TENM3: variants seen among roughly 807,000 people sequenced by gnomAD.
TENM3 encodes teneurin-3.
Under a neutral mutation model 255.1 loss-of-function variants are expected in TENM3, and 63 were observed. The observed-to-expected ratio is 0.25, with a 90% CI of 0.20 to 0.30. The LOEUF (loss-of-function observed/expected upper bound fraction) is 0.30, where lower values mean the gene tolerates loss of function less well. TENM3 is among the 10% of genes least tolerant of loss of function. TENM3 has a pLI of 1.00. For missense variants in TENM3, 2,929 were observed against 3,461.1 expected (o/e 0.85, Z 3.86); for synonymous variants, 1,306 against 1,322.3 (o/e 0.99, Z 0.27).
chr4:182,183,687 C>T (rs1752974624), intron 1 of TENM3, among the ~76,000 whole-genome samples: 1 of 152,062 alleles, frequency 6.6e-6, no homozygotes, highest in African/African-American at 2.4e-5. Flanking sequence ...TGCACATTTA[C>T]AGAACTGTCC....
At chr4:181,807,642 C>T in the TENM3 span, among the ~76,000 whole-genome samples, 19 of 152,256 alleles carry the variant, frequency 1.2e-4, no homozygotes, top group East Asian at 2.5e-3. Context: ...TGTGAGCCAC[C>T]GCACCTGGCC....
chr4:182,419,527 C>A (rs1770648671), intron 3 of TENM3, among the ~76,000 whole-genome samples: 1 of 152,080 alleles, frequency 6.6e-6, no homozygotes, highest in Non-Finnish European at 1.5e-5. Flanking sequence ...TGGGCATATA[C>A]CCAAAGGACT....
At chr4:181,740,327 T>G in the TENM3 span, among the ~76,000 whole-genome samples, 31 of 152,314 alleles carry the variant, frequency 2.0e-4, no homozygotes, top group South Asian at 5.8e-3. Context: ...CAGTTTTGAT[T>G]ATTTTTTAGA....
intron 13 of TENM3, among the ~76,000 whole-genome samples, chr4:182,723,998 G>A (rs1265458015): frequency 6.6e-6 from 1 of 152,168 alleles, no homozygotes; most frequent in Non-Finnish European, 1.5e-5. Context: ...GGACAGAAAA[G>A]CTAACGAGAG....
the TENM3 span, among the ~76,000 whole-genome samples, chr4:182,009,507 C>T: frequency 6.6e-6 from 1 of 152,178 alleles, no homozygotes; most frequent in Non-Finnish European, 1.5e-5. Flanking sequence ...ACTCTGGCCA[C>T]AGACTGCCAC....
chr4:182,714,730 G>A (rs76580389), intron 13 of TENM3, among the ~76,000 whole-genome samples: 9,109 of 152,284 alleles, frequency 0.06, 347 homozygotes, highest in Middle Eastern at 0.14. Flanking sequence ...TAAAAAGATG[G>A]TGAGATTCCA....
At chr4:181,922,713 G>A in the TENM3 span, among the ~76,000 whole-genome samples, 1,029 of 147,898 alleles carry the variant, frequency 7.0e-3, 5 homozygotes, top group African/African-American at 0.024. Flanking sequence ...TTTTTGAAGG[G>A]TTTTTTGTGT....
At chr4:182,665,481 T>C (rs1754591910) in intron 6 of TENM3, among the ~76,000 whole-genome samples, 1 of 152,038 alleles carries the variant, frequency 6.6e-6, no homozygotes, top group African/African-American at 2.4e-5. Flanking sequence ...GATCAAGGAG[T>C]AATTTCAAGT....
intron 12 of TENM3, among the ~76,000 whole-genome samples, chr4:182,696,453 A>G (rs1393341217): frequency 6.6e-6 from 1 of 152,192 alleles, no homozygotes; most frequent in Non-Finnish European, 1.5e-5. Flanking sequence ...GGGGCCGGGC[A>G]CAGTGGCTCA....
chr4:181,730,670 A>T, the TENM3 span, among the ~76,000 whole-genome samples: 1 of 152,204 alleles, frequency 6.6e-6, no homozygotes, highest in African/African-American at 2.4e-5. Context: ...GGATTGATAG[A>T]AAATTCACTG....
At chr4:181,836,635 A>G in the TENM3 span, among the ~76,000 whole-genome samples, 1 of 152,134 alleles carries the variant, frequency 6.6e-6, no homozygotes, top group East Asian at 1.9e-4. Flanking sequence ...ACTCTATTTC[A>G]TTAGTCAGCT....
At chr4:182,328,081 G>A (rs1372586185) in intron 2 of TENM3, among the ~76,000 whole-genome samples, 3 of 152,110 alleles carry the variant, frequency 2.0e-5, no homozygotes, top group East Asian at 3.9e-4. Flanking sequence ...ACCACTTTGG[G>A]GCCCTAACCC....
At chr4:182,091,532 C>T in the TENM3 span, among the ~76,000 whole-genome samples, 4 of 152,240 alleles carry the variant, frequency 2.6e-5, no homozygotes, top group East Asian at 5.8e-4. Context: ...AGGAGACCTG[C>T]GTACCTGGTG....
chr4:181,500,880 TG>T, the TENM3 span, among the ~76,000 whole-genome samples: 1 of 152,160 alleles, frequency 6.6e-6, no homozygotes, highest in Non-Finnish European at 1.5e-5. Flanking sequence ...ATTCAGTCAT[TG>T]GGGATAGATT....
chr4:182,392,410 C>T (rs1768496192), intron 3 of TENM3, among the ~76,000 whole-genome samples: 2 of 152,220 alleles, frequency 1.3e-5, no homozygotes, highest in Admixed American at 6.5e-5. Flanking sequence ...AAAAAGTAAG[C>T]TCACACCCCA....
At chr4:181,988,792 ATTTT>A in the TENM3 span, among the ~76,000 whole-genome samples, 1 of 148,512 alleles carries the variant, frequency 6.7e-6, no homozygotes, top group Admixed American at 6.7e-5. Context: ...GCCTGCTCTT[ATTTT>A]TTTTTTCAGC....
At chr4:181,465,082 A>C in the TENM3 span, among the ~76,000 whole-genome samples, 1 of 152,218 alleles carries the variant, frequency 6.6e-6, no homozygotes, top group Non-Finnish European at 1.5e-5. Flanking sequence ...AGAGTTTTAT[A>C]GTTTTAACCT....
At chr4:182,245,580 T>C (rs2150088136) in intron 1 of TENM3, among the ~76,000 whole-genome samples, 1 of 152,170 alleles carries the variant, frequency 6.6e-6, no homozygotes, top group Non-Finnish European at 1.5e-5. Context: ...CTGTGGTCTG[T>C]TTGAACTGAG....
intron 12 of TENM3, 33 bp downstream of exon 12, chr4:182,688,384 T>C: frequency 6.7e-7 from 1 of 1,487,842 alleles, no homozygotes; most frequent in South Asian, 1.4e-5. Flanking sequence ...TCTGTCCCCT[T>C]CCTCCCAGAG....
Sources: allele counts gnomAD v4.1 joint callset (sites outside exome capture counted in the v4.1 genomes callset), GRCh38; gene constraint gnomAD v4.1.1; transcripts MANE v1.5; gene names NCBI Gene and HGNC (gene_info 2026-07-23, HGNC 2026-07-21).